The following LARGE1 variants were observed in gnomAD, a reference collection of about 807,000 sequenced individuals.
LARGE1 encodes the protein xylosyl- and glucuronyltransferase LARGE1.
Under a neutral mutation model 87.6 loss-of-function variants are expected in LARGE1, and 43 were observed. The ratio of observed to expected loss-of-function variants is 0.49; its 90% CI spans 0.38 to 0.63. LARGE1 has a LOEUF of 0.63. Among genes scored for constraint, LARGE1 ranks in the 30% least tolerant of loss-of-function variants. LARGE1 has a pLI of 0.00. For synonymous variants in LARGE1, 434 were observed against 394.6 expected (o/e 1.10, Z -1.18); for missense variants, 802 against 1,000.2 (o/e 0.80, Z 2.67).
At chr22:33,160,245 C>T (rs896597712), downstream of LARGE1, among the ~76,000 whole-genome samples, 1 of 152,268 alleles carries the variant, frequency 6.6e-6, no homozygotes. Flanking sequence ...ATTTGAATTA[C>T]ATTTTTTGTT....
chr22:33,571,728 G>T (rs1368268342), intron 5 of LARGE1, among the ~76,000 whole-genome samples: 1 of 152,124 alleles, frequency 6.6e-6, no homozygotes, highest in African/African-American at 2.4e-5. Flanking sequence ...ATTAAGGGTT[G>T]TCTATTATTT....
chr22:33,712,362 C>G (rs1050308414), intron 2 of LARGE1, among the ~76,000 whole-genome samples: 7 of 152,132 alleles, frequency 4.6e-5, no homozygotes, highest in African/African-American at 1.7e-4. Flanking sequence ...AAACAGCCTT[C>G]AGGCAGGCAC....
chr22:33,523,633 C>T (rs2071726432), intron 6 of LARGE1, among the ~76,000 whole-genome samples: 1 of 152,024 alleles, frequency 6.6e-6, no homozygotes, highest in African/African-American at 2.4e-5. Flanking sequence ...AGAGGTTACA[C>T]CTGCTTAATG....
chr22:33,725,453 T>C (rs2083241775), intron 2 of LARGE1, among the ~76,000 whole-genome samples: 1 of 152,170 alleles, frequency 6.6e-6, no homozygotes, highest in African/African-American at 2.4e-5. Context: ...CATCAGGAAC[T>C]AGAGGACCAA....
chr22:33,552,412 A>G (rs1174016987), intron 6 of LARGE1, among the ~76,000 whole-genome samples: 1 of 151,606 alleles, frequency 6.6e-6, no homozygotes, highest in Non-Finnish European at 1.5e-5. Context: ...GGGCTTACCA[A>G]GAGATGGCAC....
rs113975428 is a variant in LARGE1, at chr22:33,816,430, C to A, written c.-82-54872G>T. ...AGTCTGCTTTCTGTTCACAGATGGC[C>A]GTCTTCTTGCTACGTCCTCACATGG... On this transcript the variant is annotated intron_variant, in intron 1 of 14. Coordinates refer to ENST00000397394, the MANE Select transcript of LARGE1 (RefSeq NM_133642.5). 4.5e-3 allele frequency among the ~76,000 whole-genome samples: 691 copies of A among 152,166 alleles called. 3 individuals carry two copies. The highest frequency in any genetic ancestry group is 0.015 in the African/African-American group (636 of 41,506).
chr22:33,605,908 G>C (rs187352629), intron 4 of LARGE1, among the ~76,000 whole-genome samples: 3 of 152,188 alleles, frequency 2.0e-5, no homozygotes, highest in Non-Finnish European at 2.9e-5. Context: ...TCAGAAGGAC[G>C]TGTAAGAGGA....
chr22:33,882,104 A>G (rs1289019007), intron 1 of LARGE1, among the ~76,000 whole-genome samples: 11 of 145,880 alleles, frequency 7.5e-5, no homozygotes, highest in Non-Finnish European at 1.0e-4. Flanking sequence ...GTGCAGTGGC[A>G]CGATCTCGGC....
chr22:33,835,890 T>C (rs898673811), intron 1 of LARGE1, among the ~76,000 whole-genome samples: 6 of 152,236 alleles, frequency 3.9e-5, no homozygotes, highest in East Asian at 1.9e-4. Context: ...CCAGTAGTTA[T>C]AGCAATCACT....
At chr22:33,168,030 CAA>C (rs1329331323) in intron 11 of LARGE1, among the ~76,000 whole-genome samples, 3 of 152,140 alleles carry the variant, frequency 2.0e-5, no homozygotes, top group African/African-American at 7.2e-5. Context: ...ATTCTTAAGA[CAA>C]AAGTCTTTTT....
chr22:33,396,451 CAGAGAGAGTGACAG>C (rs1224074696), intron 7 of LARGE1, among the ~76,000 whole-genome samples: 2 of 108,430 alleles, frequency 1.8e-5, no homozygotes, highest in African/African-American at 8.7e-5. Flanking sequence ...GAGTGAGAGA[CAGAGAGAGTGACAG>C]AGAGAGAGAG....
At chr22:33,762,253 A>G (rs1336333074) in intron 1 of LARGE1, among the ~76,000 whole-genome samples, 2 of 145,392 alleles carry the variant, frequency 1.4e-5, no homozygotes, top group Non-Finnish European at 3.0e-5. Flanking sequence ...ACTAGACCAG[A>G]GGATGGATTC....
intron 7 of LARGE1, among the ~76,000 whole-genome samples, chr22:33,387,574 G>A (rs190458522): frequency 1.9e-4 from 28 of 150,126 alleles, no homozygotes; most frequent in Admixed American, 5.9e-4. Context: ...ATATATTAAT[G>A]CACATTTTTG....
chr22:33,722,110 G>A (rs142453948), intron 2 of LARGE1, among the ~76,000 whole-genome samples: 2,920 of 152,068 alleles, frequency 0.019, 86 homozygotes, highest in African/African-American at 0.067. Flanking sequence ...AAAATTAGCC[G>A]GGCGTGGTGG....
the LARGE1 span, among the ~76,000 whole-genome samples, chr22:33,068,644 C>CA: frequency 6.6e-6 from 1 of 151,942 alleles, no homozygotes; most frequent in Non-Finnish European, 1.5e-5. Flanking sequence ...GACTGTGTCT[C>CA]AAAAAAATAA....
intron 2 of LARGE1, among the ~76,000 whole-genome samples, chr22:33,654,420 G>C (rs548283821): frequency 6.6e-6 from 1 of 152,212 alleles, no homozygotes; most frequent in Non-Finnish European, 1.5e-5. Flanking sequence ...CTAACTCTCC[G>C]TAGCTGTGTG....
chr22:33,761,380 T>G lies in LARGE1; in HGVS notation c.97A>C (p.Ser33Arg). 3.7e-6 allele frequency: 6 copies of G among 1,613,606 alleles called. No individual in the cohort carries two copies. The highest frequency in any genetic ancestry group is 5.1e-6 in the Non-Finnish European group (6 of 1,179,646). The part of the protein sequence containing the change: ...AITWIYLFSG[S>R]FEDGKPVSLS... ...TGGCTTCCATTCTTACCTTCGAAGC[T>G]CCCAGAAAACAGGTAAATCCAGGTG... Residue 33 changes from serine (S) to arginine (R), a missense_variant, in exon 2 of 15, where the codon AGC (serine) becomes CGC (arginine). Around this residue, in one of 2 missense-constraint regions of LARGE1, gnomAD observed 177 missense variants for 158.3 expected, o/e 1.12. Coordinates refer to ENST00000397394, the MANE Select transcript of LARGE1 (RefSeq NM_133642.5).
chr22:33,796,722 A>G (rs2085995860), intron 1 of LARGE1, among the ~76,000 whole-genome samples: 1 of 144,590 alleles, frequency 6.9e-6, no homozygotes, highest in South Asian at 2.2e-4. Flanking sequence ...CAGGTGGAGG[A>G]GGAGGGGAGA....
chr22:33,147,239 A>T, the LARGE1 span, among the ~76,000 whole-genome samples: 1 of 151,964 alleles, frequency 6.6e-6, no homozygotes, highest in Admixed American at 6.6e-5. Flanking sequence ...TGTAACACAA[A>T]CTCTCATTTC....
Sources: gnomAD v4.1 joint callset for allele counts (sites outside exome capture counted in the v4.1 genomes callset) on GRCh38, gnomAD v4.1.1 for gene constraint, gnomAD v4.1.1 regional missense constraint, MANE v1.5 for transcripts, NCBI Gene and HGNC (gene_info 2026-07-23, HGNC 2026-07-21) for gene names.